AKAP19: variants seen among roughly 807,000 people sequenced by gnomAD.
The protein encoded by AKAP19 is A-kinase anchoring protein 19, also known as small A-kinase anchoring protein.
the AKAP19 span, among the ~76,000 whole-genome samples, chr2:190,164,380 C>CA: frequency 2.6e-5 from 4 of 152,022 alleles, no homozygotes; most frequent in Non-Finnish European, 5.9e-5. Flanking sequence ...ATTAAAAATA[C>CA]AAAAAATTAG....
chr2:190,202,119 C>T, the AKAP19 span: 3 of 166,922 alleles, frequency 1.8e-5, no homozygotes, highest in Non-Finnish European at 4.4e-5. Flanking sequence ...CCTTCTGTGC[C>T]CTGGGCCACT....
chr2:190,025,067 T>C, the AKAP19 span, among the ~76,000 whole-genome samples: 1 of 152,204 alleles, frequency 6.6e-6, no homozygotes, highest in Non-Finnish European at 1.5e-5. Flanking sequence ...TTAGCTTTCA[T>C]ATCACATTGA....
the AKAP19 span, among the ~76,000 whole-genome samples, chr2:190,160,388 G>A: frequency 6.6e-6 from 1 of 151,836 alleles, no homozygotes; most frequent in Non-Finnish European, 1.5e-5. Context: ...TTTCTCTTTC[G>A]TGATCCCTAC....
chr2:189,885,719 T>C, the AKAP19 span, among the ~76,000 whole-genome samples: 3 of 152,210 alleles, frequency 2.0e-5, no homozygotes, highest in Non-Finnish European at 4.4e-5. Flanking sequence ...TCATCTGACG[T>C]TTTCTACAAA....
chr2:190,187,368 G>C, the AKAP19 span, among the ~76,000 whole-genome samples: 1 of 150,066 alleles, frequency 6.7e-6, no homozygotes, highest in East Asian at 2.0e-4. Flanking sequence ...CTTCTGGGGA[G>C]TTAGCAGCCT....
chr2:190,004,545 C>T, the AKAP19 span, among the ~76,000 whole-genome samples: 2 of 151,536 alleles, frequency 1.3e-5, no homozygotes, highest in Non-Finnish European at 1.5e-5. Flanking sequence ...CTATTTTCTT[C>T]TTTTGTGTCA....
At chr2:190,200,169 T>C in the AKAP19 span, 1 of 1,602,134 alleles carries the variant, frequency 6.2e-7, no homozygotes, top group Non-Finnish European at 8.5e-7. Flanking sequence ...TGACAACACT[T>C]TGACTGTGGA....
At chr2:189,929,306 G>T in the AKAP19 span, among the ~76,000 whole-genome samples, 1 of 152,078 alleles carries the variant, frequency 6.6e-6, no homozygotes, top group African/African-American at 2.4e-5. Context: ...GAGGGAAGGA[G>T]GTCACAGGAA....
chr2:190,085,017 C>T, the AKAP19 span, among the ~76,000 whole-genome samples: 1 of 152,174 alleles, frequency 6.6e-6, no homozygotes, highest in Non-Finnish European at 1.5e-5. Flanking sequence ...CCAACCATTT[C>T]CCAAACCACC....
At chr2:190,059,325 G>T in the AKAP19 span, among the ~76,000 whole-genome samples, 2 of 151,900 alleles carry the variant, frequency 1.3e-5, no homozygotes, top group Non-Finnish European at 2.9e-5. Flanking sequence ...GATATATAAG[G>T]TATTGTCATT....
the AKAP19 span, among the ~76,000 whole-genome samples, chr2:189,992,720 T>C: frequency 2.0e-5 from 3 of 152,220 alleles, no homozygotes; most frequent in Non-Finnish European, 2.9e-5. Flanking sequence ...TAGTTTTCTA[T>C]GTAGAGGTCT....
chr2:190,184,100 C>A, the AKAP19 span, among the ~76,000 whole-genome samples: 1 of 152,040 alleles, frequency 6.6e-6, no homozygotes, highest in Non-Finnish European at 1.5e-5. Context: ...TAACTCTAAT[C>A]AGTATCTCAC....
chr2:189,887,185 C>T, the AKAP19 span, among the ~76,000 whole-genome samples: 1 of 152,138 alleles, frequency 6.6e-6, no homozygotes, highest in East Asian at 1.9e-4. Flanking sequence ...GTTCCCCTCC[C>T]TGTGTCCATG....
the AKAP19 span, among the ~76,000 whole-genome samples, chr2:190,024,425 T>G: frequency 6.6e-6 from 1 of 151,410 alleles, no homozygotes; most frequent in Non-Finnish European, 1.5e-5. Flanking sequence ...TTTCAAGAAT[T>G]CCCGGTTCAT....
the AKAP19 span, among the ~76,000 whole-genome samples, chr2:190,066,228 G>A: frequency 7.9e-5 from 12 of 152,112 alleles, no homozygotes; most frequent in African/African-American, 2.9e-4. Flanking sequence ...CGTCAGTAAG[G>A]TGGCAAGCGA....
At chr2:190,109,916 C>T in the AKAP19 span, among the ~76,000 whole-genome samples, 1 of 152,154 alleles carries the variant, frequency 6.6e-6, no homozygotes, top group Non-Finnish European at 1.5e-5. Flanking sequence ...TGGCCTAGGG[C>T]AGTAGCTTTC....
chr2:189,918,604 G>C, the AKAP19 span, among the ~76,000 whole-genome samples: 19 of 152,228 alleles, frequency 1.2e-4, no homozygotes, highest in Admixed American at 1.2e-3. Context: ...ATACAGTTTT[G>C]AGTTAAAGAG....
At chr2:190,013,389 T>A in the AKAP19 span, among the ~76,000 whole-genome samples, 5,243 of 152,272 alleles carry the variant, frequency 0.034, 286 homozygotes, top group African/African-American at 0.12. Context: ...AATTTATTGC[T>A]TATAATTGTT....
the AKAP19 span, among the ~76,000 whole-genome samples, chr2:190,115,420 C>G: frequency 7.7e-6 from 1 of 129,292 alleles, no homozygotes; most frequent in African/African-American, 3.0e-5. Context: ...CCCGGGTTCA[C>G]GCCATTCTCC....
Sources: gnomAD v4.1 joint callset for allele counts (sites outside exome capture counted in the v4.1 genomes callset) on GRCh38, gnomAD v4.1.1 for gene constraint, MANE v1.5 for transcripts, NCBI Gene and HGNC (gene_info 2026-07-23, HGNC 2026-07-21) for gene names.